The following TUSC3 variants were observed in gnomAD, a reference collection of about 807,000 sequenced individuals.
TUSC3 encodes the protein dolichyl-diphosphooligosaccharide--protein glycosyltransferase subunit TUSC3.
A neutral mutation model predicts 44.8 loss-of-function variants in TUSC3; 45 were observed. The ratio of observed to expected loss-of-function variants is 1.00; its 90% CI spans 0.79 to 1.29. The LOEUF (loss-of-function observed/expected upper bound fraction) is 1.29. Among genes scored for constraint, TUSC3 ranks in the 50% most tolerant of loss-of-function variants. The probability of loss-of-function intolerance (pLI) is 0.00; values close to 1 mark genes in which losing one functional copy is unlikely to be tolerated. For synonymous variants in TUSC3, 212 were observed against 152.9 expected (o/e 1.39, Z -2.85); for missense variants, 519 against 437.9 (o/e 1.19, Z -1.65).
In TUSC3 at chr8:15,491,551, T is replaced by C. The variant is rs1800809370; in HGVS notation, n.189+8068T>C. Among the ~76,000 whole-genome samples, 3 of 152,202 alleles carry C rather than the reference T, an allele frequency of 2.0e-5. No individual in the cohort carries two copies. In the South Asian group the frequency reaches 6.2e-4, roughly 31 times the overall value. On this transcript the variant is annotated intron_variant and non_coding_transcript_variant, in intron 2 of 5. Coordinates refer to the TUSC3 transcript ENST00000503191. The stretch of plus-strand genomic sequence containing the variant: ...TAGTCAAGAGATAGAGTTAAAAACC[T>C]ATTCTTTAATCACTGAATTTTTATC...
chr8:15,821,861 A>C, the TUSC3 span, among the ~76,000 whole-genome samples: 1 of 152,202 alleles, frequency 6.6e-6, no homozygotes. Flanking sequence ...ATCAAAGTGC[A>C]ACTAAATTCC....
rs533774319 is a variant in TUSC3 at position 15,503,443 on chromosome 8, CCTT to C, written n.189+19969_189+19971del. On this transcript the variant is annotated intron_variant and non_coding_transcript_variant, in intron 2 of 5. Coordinates refer to the TUSC3 transcript ENST00000503191. ...TTTTTTTTTCTGGATACTTCTAGGA[CCTT>C]CTTCTTCTGCCCTATGATCTGAAAT... 2.2e-3 allele frequency among the ~76,000 whole-genome samples: 338 copies of C among 152,152 alleles called. 1 individual carries two copies. The highest frequency in any genetic ancestry group is 6.8e-3 in the Admixed American group (104 of 15,284).
intron 1 of TUSC3, among the ~76,000 whole-genome samples, chr8:15,609,144 G>C (rs2129158062): frequency 6.6e-6 from 1 of 152,264 alleles, no homozygotes; most frequent in African/African-American, 2.4e-5. Flanking sequence ...TAAAGTCACT[G>C]AAAAAATTAA....
chr8:15,852,031 A>G, the TUSC3 span, among the ~76,000 whole-genome samples: 10 of 152,212 alleles, frequency 6.6e-5, no homozygotes, highest in East Asian at 3.9e-4. Context: ...CACCATGATT[A>G]TGAGGCCTCC....
chr8:15,813,199 C>T, the TUSC3 span, among the ~76,000 whole-genome samples: 1 of 152,154 alleles, frequency 6.6e-6, no homozygotes, highest in African/African-American at 2.4e-5. Flanking sequence ...TGGAGAATTT[C>T]ACTTAGATGT....
the TUSC3 span, among the ~76,000 whole-genome samples, chr8:15,782,989 G>A: frequency 0.65 from 98,907 of 152,004 alleles, 33,161 homozygotes; most frequent in African/African-American, 0.8. Context: ...CAAAAAAACC[G>A]TTATAACTAA....
chr8:15,555,091 A>G (rs970017150), intron 1 of TUSC3, among the ~76,000 whole-genome samples: 2 of 149,208 alleles, frequency 1.3e-5, no homozygotes, highest in Admixed American at 6.7e-5. Flanking sequence ...AATTTACATA[A>G]GATTTCTCCT....
At chr8:15,795,317 A>T in the TUSC3 span, among the ~76,000 whole-genome samples, 11 of 152,170 alleles carry the variant, frequency 7.2e-5, no homozygotes, top group African/African-American at 2.7e-4. Flanking sequence ...TATAATCCAT[A>T]ACAACCCTGG....
At chr8:15,607,599 C>T (rs1804584113) in intron 1 of TUSC3, among the ~76,000 whole-genome samples, 1 of 152,106 alleles carries the variant, frequency 6.6e-6, no homozygotes. Flanking sequence ...AGAGAATTTA[C>T]ACTGAATACC....
At chr8:15,676,186 A>C (rs1224338303) in intron 6 of TUSC3, among the ~76,000 whole-genome samples, 1 of 152,170 alleles carries the variant, frequency 6.6e-6, no homozygotes, top group Non-Finnish European at 1.5e-5. Flanking sequence ...ATGATTAGAA[A>C]TTAAATGTAT....
intron 2 of TUSC3, among the ~76,000 whole-genome samples, chr8:15,502,378 G>T (rs894246388): frequency 1.3e-5 from 2 of 152,130 alleles, no homozygotes; most frequent in Admixed American, 1.3e-4. Flanking sequence ...CCCTCAGACT[G>T]CTTTTCAGAA....
At chr8:15,627,936 G>C (rs1182383902) in intron 2 of TUSC3, among the ~76,000 whole-genome samples, 1 of 152,188 alleles carries the variant, frequency 6.6e-6, no homozygotes, top group Admixed American at 6.5e-5. Context: ...GGGCCAGAGT[G>C]AACCTCAGGC....
chr8:15,615,008 G>T (rs377623769), intron 1 of TUSC3, among the ~76,000 whole-genome samples: 5 of 149,858 alleles, frequency 3.3e-5, no homozygotes. Context: ...TACACTCATC[G>T]TGGGAATGTG....
the TUSC3 span, among the ~76,000 whole-genome samples, chr8:15,810,236 G>T: frequency 0.019 from 2,834 of 152,260 alleles, 95 homozygotes; most frequent in African/African-American, 0.063. Flanking sequence ...GGTCGTTCAG[G>T]TGATTCTGCT....
At chr8:15,669,400 A>G (rs1194680892) in intron 5 of TUSC3, among the ~76,000 whole-genome samples, 1 of 151,840 alleles carries the variant, frequency 6.6e-6, no homozygotes, top group Non-Finnish European at 1.5e-5. Flanking sequence ...CTGAAGCAAG[A>G]CTAACTTTGA....
chr8:15,716,570 G>T (rs1352316922), intron 6 of TUSC3, among the ~76,000 whole-genome samples: 1 of 152,070 alleles, frequency 6.6e-6, no homozygotes, highest in Non-Finnish European at 1.5e-5. Context: ...ACTGATACAC[G>T]TGTGATACAT....
intron 6 of TUSC3, among the ~76,000 whole-genome samples, chr8:15,727,947 C>T (rs757674774): frequency 1.3e-5 from 2 of 152,118 alleles, no homozygotes; most frequent in Non-Finnish European, 2.9e-5. Context: ...TAGTAGATGG[C>T]AAATTCAGGA....
At chr8:15,789,045 G>A in the TUSC3 span, among the ~76,000 whole-genome samples, 1 of 152,156 alleles carries the variant, frequency 6.6e-6, no homozygotes, top group Non-Finnish European at 1.5e-5. Context: ...TTGTTTAAAA[G>A]CTCTTGCCAT....
chr8:15,566,428 A>T (rs934056129), intron 1 of TUSC3, among the ~76,000 whole-genome samples: 11 of 152,086 alleles, frequency 7.2e-5, no homozygotes, highest in Admixed American at 7.2e-4. Flanking sequence ...TGCTATTGTT[A>T]CCATTTTAAG....
Sources: gnomAD v4.1 joint callset for allele counts (sites outside exome capture counted in the v4.1 genomes callset) on GRCh38, gnomAD v4.1.1 for gene constraint, MANE v1.5 for transcripts, NCBI Gene and HGNC (gene_info 2026-07-23, HGNC 2026-07-21) for gene names.